RFX7: variants seen among roughly 807,000 people sequenced by gnomAD.
RFX7 encodes the protein DNA-binding protein RFX7.
RFX7 carries 26 observed loss-of-function variants against 111.8 expected under a neutral mutation model. That is an observed-to-expected ratio of 0.23 (90% confidence interval 0.17 to 0.32). RFX7 has a LOEUF of 0.32. Among genes scored for constraint, RFX7 ranks in the 10% least tolerant of loss-of-function variants. The pLI is 1.00. For synonymous variants in RFX7, 624 were observed against 624.4 expected, an observed-to-expected ratio of 1.00 and a Z score of 0.01; for missense variants, 1,573 against 1,772.9, an observed-to-expected ratio of 0.89 and a Z score of 2.02.
intron 5 of RFX7, among the ~76,000 whole-genome samples, chr15:56,138,378 T>G (rs2141011753): frequency 6.6e-6 from 1 of 150,992 alleles, no homozygotes; most frequent in South Asian, 2.2e-4. Context: ...AATGGCCTTC[T>G]TTGTCTCTTT....
chr15:56,187,072 T>C (rs2043047532), intron 2 of RFX7, among the ~76,000 whole-genome samples: 1 of 152,182 alleles, frequency 6.6e-6, no homozygotes, highest in South Asian at 2.1e-4. Context: ...AGTTAACATA[T>C]ATTAAAATAA....
intron 2 of RFX7, among the ~76,000 whole-genome samples, chr15:56,231,592 A>C (rs2043558363): frequency 6.6e-6 from 1 of 152,134 alleles, no homozygotes; most frequent in Non-Finnish European, 1.5e-5. Context: ...TTAAGATAAG[A>C]TTTGGGTGGG....
intron 3 of RFX7, among the ~76,000 whole-genome samples, chr15:56,157,866 A>T (rs1302657159): frequency 6.6e-6 from 1 of 152,252 alleles, no homozygotes; most frequent in Non-Finnish European, 1.5e-5. Context: ...GGCGTGAGCC[A>T]CTGCGCCCGG....
chr15:56,212,811 G>A (rs1419085950), intron 2 of RFX7, among the ~76,000 whole-genome samples: 1 of 151,886 alleles, frequency 6.6e-6, no homozygotes, highest in African/African-American at 2.4e-5. Context: ...AGCAAAAAAA[G>A]CAATCAAATT....
chr15:56,180,750 C>CAAAAAAA (rs869160446), intron 2 of RFX7, among the ~76,000 whole-genome samples: 3 of 65,564 alleles, frequency 4.6e-5, no homozygotes, highest in East Asian at 3.6e-4. Flanking sequence ...TACTAAAATA[C>CAAAAAAA]AAAAAAAAAA....
intron 5 of RFX7, among the ~76,000 whole-genome samples, chr15:56,129,740 T>C (rs1055356811): frequency 6.6e-6 from 1 of 152,188 alleles, no homozygotes; most frequent in East Asian, 1.9e-4. Flanking sequence ...TAGGAATTCA[T>C]AAAGGTCTTG....
At chr15:56,163,258 G>A (rs1470551089) in intron 3 of RFX7, among the ~76,000 whole-genome samples, 4 of 151,948 alleles carry the variant, frequency 2.6e-5, no homozygotes, top group South Asian at 2.1e-4. Context: ...ATCTCTGGAG[G>A]GCAGGAAAGT....
intron 2 of RFX7, among the ~76,000 whole-genome samples, chr15:56,182,229 G>T (rs1486812847): frequency 1.3e-5 from 2 of 151,830 alleles, no homozygotes. Flanking sequence ...CTCCATCTGT[G>T]GGAAAATTTT....
At chr15:56,121,408 ATCTT>A (rs1476501342) in intron 5 of RFX7, among the ~76,000 whole-genome samples, 1 of 152,030 alleles carries the variant, frequency 6.6e-6, no homozygotes, top group Non-Finnish European at 1.5e-5. Context: ...TGCTTTTAGG[ATCTT>A]TCTTTATCCT....
At chr15:56,225,586 C>G (rs1392323665) in intron 2 of RFX7, among the ~76,000 whole-genome samples, 1 of 152,148 alleles carries the variant, frequency 6.6e-6, no homozygotes, top group Non-Finnish European at 1.5e-5. Context: ...CTTTAGAAGT[C>G]AGGAATCCCA....
chr15:56,114,971 T>C (rs190740374), intron 5 of RFX7, among the ~76,000 whole-genome samples: 33 of 152,308 alleles, frequency 2.2e-4, no homozygotes, highest in Non-Finnish European at 3.4e-4. Flanking sequence ...TGAGTTCTCA[T>C]GGCCTATGAA....
intron 5 of RFX7, among the ~76,000 whole-genome samples, chr15:56,112,582 G>C (rs1380910312): frequency 2.0e-5 from 3 of 152,004 alleles, no homozygotes; most frequent in Non-Finnish European, 4.4e-5. Flanking sequence ...TACCATTCAG[G>C]ACATAGGCAT....
At chr15:56,097,418 G>A (rs770666761) in intron 9 of RFX7, among the ~76,000 whole-genome samples, 1 of 151,970 alleles carries the variant, frequency 6.6e-6, no homozygotes, top group Non-Finnish European at 1.5e-5. Context: ...CCATCTGAAT[G>A]TAAAAAAGAA....
intron 2 of RFX7, among the ~76,000 whole-genome samples, chr15:56,207,569 G>T (rs2043266913): frequency 6.6e-6 from 1 of 151,958 alleles, no homozygotes; most frequent in South Asian, 2.1e-4. Flanking sequence ...AAACATTTGA[G>T]AAAAAAAGCA....
intron 5 of RFX7, among the ~76,000 whole-genome samples, chr15:56,131,900 T>C (rs1340279898): frequency 6.6e-6 from 1 of 151,636 alleles, no homozygotes; most frequent in African/African-American, 2.4e-5. Context: ...ATCCAGTAAA[T>C]ATAAAATGTA....
intron 3 of RFX7, among the ~76,000 whole-genome samples, chr15:56,151,588 C>G (rs1451643211): frequency 6.6e-6 from 1 of 152,152 alleles, no homozygotes; most frequent in Non-Finnish European, 1.5e-5. Flanking sequence ...ATAACTGGTA[C>G]CAGCCACTGC....
In RFX7 at chr15:56,088,566, A is replaced by G. The variant is rs1044458850; in HGVS notation, c.*4779T>C. On this transcript the variant is annotated 3_prime_UTR_variant, in exon 10 of 10. Coordinates refer to ENST00000559447, the MANE Select transcript of RFX7 (RefSeq NM_022841.7). Reference sequence around the variant, plus strand: ...TTTTTTCTAAGCAGATTATAGCAACAAGACTGGCATACATATTTTTAAAAT... The same window carrying G: ...TTTTTTCTAAGCAGATTATAGCAACGAGACTGGCATACATATTTTTAAAAT... 6.6e-6 allele frequency: 1 copy of G among 152,206 alleles called. No individual in the cohort carries two copies. 9.4% of individuals were successfully genotyped at this position (152,206 alleles called of 1,614,324 possible). A position where few individuals can be genotyped will look rare whatever the true frequency, so the allele number is the denominator to read the frequency against.
At chr15:56,140,759 CT>C (rs1161718939) in intron 5 of RFX7, among the ~76,000 whole-genome samples, 3 of 152,068 alleles carry the variant, frequency 2.0e-5, no homozygotes, top group African/African-American at 7.2e-5. Context: ...AATCCTTTAA[CT>C]TTTTTTAGAA....
At chr15:56,136,452 T>C (rs1266399435) in intron 5 of RFX7, among the ~76,000 whole-genome samples, 5 of 141,490 alleles carry the variant, frequency 3.5e-5, no homozygotes, top group African/African-American at 1.3e-4. Context: ...CTTGTGATTT[T>C]TGTACATTGA....
Sources: gnomAD v4.1 joint callset for allele counts (sites outside exome capture counted in the v4.1 genomes callset) on GRCh38, gnomAD v4.1.1 for gene constraint, MANE v1.5 for transcripts, NCBI Gene and HGNC (gene_info 2026-07-23, HGNC 2026-07-21) for gene names.